PRKN: variants seen among roughly 807,000 people sequenced by gnomAD.
The protein encoded by PRKN is parkin RBR E3 ubiquitin protein ligase.
PRKN carries 56 observed loss-of-function variants against 59.5 expected under a neutral mutation model. The ratio of observed to expected loss-of-function variants is 0.94; its 90% confidence interval spans 0.76 to 1.18. The LOEUF is 1.18. Ranked by LOEUF, PRKN falls within the 50% of genes most tolerant of loss-of-function variation. The probability of loss-of-function intolerance (pLI) is 0.00; values close to 1 mark genes in which losing one functional copy is unlikely to be tolerated. For synonymous variants in PRKN, 250 were observed against 222.1 expected (o/e 1.13, Z -1.12); for missense variants, 657 against 596.4 (o/e 1.10, Z -1.06).
At chr6:162,437,968 T>C (rs1789860634) in intron 2 of PRKN, among the ~76,000 whole-genome samples, 2 of 152,232 alleles carry the variant, frequency 1.3e-5, no homozygotes. Context: ...TGTCATCTGG[T>C]AAATACATAT....
intron 10 of PRKN, among the ~76,000 whole-genome samples, chr6:161,383,078 C>A (rs1368579104): frequency 6.6e-6 from 1 of 152,160 alleles, no homozygotes; most frequent in Non-Finnish European, 1.5e-5. Flanking sequence ...GCCTTCGGTT[C>A]CAAGGGAGGC....
At chr6:161,783,914 A>C (rs3016558) in intron 7 of PRKN, among the ~76,000 whole-genome samples, 130,282 of 152,170 alleles carry the variant, frequency 0.86, 56,616 homozygotes, top group East Asian at 0.95. Context: ...GTCAACAAAG[A>C]AATTAATTTA....
chr6:162,588,024 T>C (rs1490772819), intron 1 of PRKN, among the ~76,000 whole-genome samples: 1 of 151,614 alleles, frequency 6.6e-6, no homozygotes, highest in South Asian at 2.1e-4. Context: ...TTTTTTTTTT[T>C]TTTTTAGATG....
Position 162,009,935 on chromosome 6 carries a change from C to CA in PRKN, c.619-36519dup, listed in dbSNP as rs999672466. Among the ~76,000 whole-genome samples, 11 of 148,616 alleles carry CA rather than the reference C, an allele frequency of 7.4e-5. No individual in the cohort carries two copies. In the East Asian group the frequency reaches 1.2e-3, roughly 16 times the overall value. ...TGGGTGACAGAGCAAGACTCTGCGT[C>CA]AAAAAAAAATAAAGTCTTCTGGTTC... On this transcript the variant is annotated intron_variant, in intron 5 of 11. Transcript: ENST00000366898.
intron 2 of PRKN, among the ~76,000 whole-genome samples, chr6:162,346,401 T>C (rs1442374525): frequency 6.8e-6 from 1 of 147,540 alleles, no homozygotes; most frequent in East Asian, 2.0e-4. Context: ...GAATTGCTTG[T>C]GCCCAGGAGT....
chr6:162,521,760 A>G (rs1396849353), intron 1 of PRKN, among the ~76,000 whole-genome samples: 1 of 152,122 alleles, frequency 6.6e-6, no homozygotes, highest in African/African-American at 2.4e-5. Flanking sequence ...CTTACTGTTT[A>G]AGGAATATGG....
chr6:161,869,551 CA>C (rs1794260244), intron 6 of PRKN, among the ~76,000 whole-genome samples: 1 of 152,084 alleles, frequency 6.6e-6, no homozygotes, highest in South Asian at 2.1e-4. Context: ...TTAACTTGAG[CA>C]TACTTAAAAC....
intron 6 of PRKN, among the ~76,000 whole-genome samples, chr6:161,972,481 C>T (rs1394114411): frequency 6.6e-6 from 1 of 152,160 alleles, no homozygotes; most frequent in Non-Finnish European, 1.5e-5. Context: ...TTGTCCTTGG[C>T]TCCTACACCG....
intron 9 of PRKN, among the ~76,000 whole-genome samples, chr6:161,513,132 T>C (rs1299278009): frequency 6.6e-6 from 1 of 152,216 alleles, no homozygotes; most frequent in African/African-American, 2.4e-5. Flanking sequence ...CTCATGAAAA[T>C]GATAGACTGG....
chr6:161,459,827 C>T lies in PRKN; in HGVS notation c.1084-72950G>A, dbSNP rs1219257398. ...ATTTAGAGGCTTTCAATGACTTACC[C>T]CTAATGGGAGATTTCTGGCCCAGAA... On this transcript the variant is annotated intron_variant, in intron 9 of 11. Transcript: ENST00000366898. The surrounding 1 kb of genome is among the most constrained non-coding windows in gnomAD (Gnocchi z 4.8). 6.6e-6 allele frequency among the ~76,000 whole-genome samples: 1 copy of T among 152,012 alleles called. No homozygotes were observed. Among genetic ancestry groups the T allele is most frequent in the Non-Finnish European group, 1.5e-5 (1 of 68,018 alleles).
Position 161,731,942 on chromosome 6 carries a change from G to T in PRKN, c.871+53830C>A, listed in dbSNP as rs1004026258. ...ATAGCCATTACATTTACTTTTTTTG[G>T]TATTTTTTTTTAACTTTTGTTTTAG... On this transcript the variant is annotated intron_variant, in intron 7 of 11. Transcript: ENST00000366898. Among the ~76,000 whole-genome samples the T allele has an allele frequency of 3.3e-5, 5 of 151,902 alleles. No homozygotes were observed. The East Asian group carries it at 9.6e-4, about 29-fold the overall frequency.
At chr6:162,724,955 T>C (rs1021588597) in intron 1 of PRKN, among the ~76,000 whole-genome samples, 35 of 152,358 alleles carry the variant, frequency 2.3e-4, no homozygotes, top group Admixed American at 2.6e-4. Flanking sequence ...TCTGGGTTGC[T>C]TGGCAATGGT....
At chr6:162,500,098 C>A (rs1793288818) in intron 1 of PRKN, among the ~76,000 whole-genome samples, 1 of 151,968 alleles carries the variant, frequency 6.6e-6, no homozygotes, top group African/African-American at 2.4e-5. Context: ...TCATCCCTAC[C>A]CTGCCCTTCT....
intron 2 of PRKN, among the ~76,000 whole-genome samples, chr6:162,398,036 C>CAAAAAA (rs10707854): frequency 2.4e-5 from 2 of 83,748 alleles, no homozygotes; most frequent in Non-Finnish European, 5.5e-5. Context: ...GATTCTGACT[C>CAAAAAA]AAAAAAAAAA....
chr6:161,616,916 T>C (rs1782720074), intron 7 of PRKN, among the ~76,000 whole-genome samples: 1 of 152,230 alleles, frequency 6.6e-6, no homozygotes, highest in Non-Finnish European at 1.5e-5. Flanking sequence ...ATCATTTGGG[T>C]ATATACCCAG....
At chr6:162,078,557 C>G (rs1205460074) in intron 4 of PRKN, among the ~76,000 whole-genome samples, 1 of 151,942 alleles carries the variant, frequency 6.6e-6, no homozygotes, top group Non-Finnish European at 1.5e-5. Flanking sequence ...GCCAAGAAAA[C>G]AGTTATATTT....
intron 2 of PRKN, among the ~76,000 whole-genome samples, chr6:162,304,793 G>T (rs1480882769): frequency 7.5e-6 from 1 of 132,510 alleles, no homozygotes; most frequent in Non-Finnish European, 1.6e-5. Context: ...CCAATGCTGG[G>T]ACCCAGCACC....
chr6:162,548,984 C>T (rs1184354588), intron 1 of PRKN, among the ~76,000 whole-genome samples: 3 of 125,834 alleles, frequency 2.4e-5, no homozygotes, highest in Non-Finnish European at 5.3e-5. Context: ...CCCATCATAT[C>T]GTTCCATCTG....
chr6:161,816,743 T>C (rs1247268293), intron 6 of PRKN, among the ~76,000 whole-genome samples: 1 of 150,712 alleles, frequency 6.6e-6, no homozygotes, highest in East Asian at 2.0e-4. Flanking sequence ...AAAAAAAAAA[T>C]TGTTCATGCG....
Sources: allele counts gnomAD v4.1 joint callset (sites outside exome capture counted in the v4.1 genomes callset), GRCh38; gene constraint gnomAD v4.1.1; non-coding constraint Gnocchi (gnomAD v3.1); transcripts MANE v1.5; gene names NCBI Gene and HGNC (gene_info 2026-07-23, HGNC 2026-07-21).